The following DACH2 variants were observed in gnomAD, a reference collection of about 807,000 sequenced individuals.
DACH2 encodes the protein dachshund family transcription factor 2, also known as dachshund homolog 2.
DACH2 carries 17 observed loss-of-function variants against 35.8 expected under a neutral mutation model. That is an observed-to-expected ratio of 0.48 (90% CI 0.33 to 0.71). The LOEUF (loss-of-function observed/expected upper bound fraction) is 0.71, where lower values mean the gene tolerates loss of function less well. DACH2 is among the 30% of genes least tolerant of loss of function. The pLI is 0.02. For missense variants in DACH2, 469 were observed against 472.7 expected, an observed-to-expected ratio of 0.99 and a Z score of 0.07; for synonymous variants, 195 against 177.3, an observed-to-expected ratio of 1.10 and a Z score of -0.79.
At chrX:86,749,685 A>C (rs150070486) in intron 7 of DACH2, among the ~76,000 whole-genome samples, 128 of 111,596 alleles carry the variant, frequency 1.1e-3, no homozygotes, top group African/African-American at 4.1e-3. Context: ...TGTGGCACAG[A>C]GACAAAATGT....
At chrX:86,513,816 A>G (rs1417422838) in intron 2 of DACH2, among the ~76,000 whole-genome samples, 9 of 112,062 alleles carry the variant, frequency 8.0e-5, no homozygotes, top group Non-Finnish European at 1.9e-5. Context: ...ATGCTAATAA[A>G]CATCAGCTTC....
chrX:86,349,146 GT>G (rs1255325316), intron 1 of DACH2, among the ~76,000 whole-genome samples: 1 of 111,893 alleles, frequency 8.9e-6, no homozygotes, highest in Admixed American at 9.4e-5. Context: ...TAAGTGCAAG[GT>G]TTTTTATTGA....
chrX:86,695,771 C>T (rs56353322), intron 5 of DACH2, among the ~76,000 whole-genome samples: 27,308 of 109,096 alleles, frequency 0.25, 2,809 homozygotes, highest in Admixed American at 0.46. Flanking sequence ...CCTAGGCCTC[C>T]CAAAGTGCTG....
intron 2 of DACH2, among the ~76,000 whole-genome samples, chrX:86,398,645 G>T (rs761586831): frequency 2.7e-5 from 3 of 111,765 alleles, no homozygotes; most frequent in African/African-American, 9.7e-5. Flanking sequence ...ATTTCGTTAT[G>T]TACCCAGTGG....
intron 1 of DACH2, among the ~76,000 whole-genome samples, chrX:86,242,776 C>A (rs1391458233): frequency 9.0e-6 from 1 of 111,141 alleles, no homozygotes; most frequent in African/African-American, 3.3e-5. Context: ...ATGGGTTTCT[C>A]CCTAGTTGCT....
chrX:86,751,757 A>T (rs1383208009), intron 7 of DACH2, among the ~76,000 whole-genome samples: 1 of 111,793 alleles, frequency 8.9e-6, no homozygotes, highest in Non-Finnish European at 1.9e-5. Context: ...CACAGGATTG[A>T]AAGCCAACTA....
chrX:86,299,983 T>C (rs1307127072), intron 1 of DACH2, among the ~76,000 whole-genome samples: 1 of 111,955 alleles, frequency 8.9e-6, no homozygotes, highest in Non-Finnish European at 1.9e-5. Flanking sequence ...GAATGTGTAA[T>C]GGTCAACTAG....
At chrX:86,766,503 G>T (rs892502833) in intron 7 of DACH2, among the ~76,000 whole-genome samples, 1 of 111,660 alleles carries the variant, frequency 9.0e-6, no homozygotes, top group Non-Finnish European at 1.9e-5. Context: ...GTGTGAACCA[G>T]TTCCAACACA....
chrX:86,714,867 C>G (rs772916577), intron 6 of DACH2, 147 bp downstream of exon 6: 4 of 449,679 alleles, frequency 8.9e-6, no homozygotes, highest in African/African-American at 7.4e-5. Context: ...TAGTTTGTGA[C>G]TAGGCCTGCC....
At chrX:86,806,629 C>T (rs1009239028) in intron 7 of DACH2, among the ~76,000 whole-genome samples, 2 of 112,188 alleles carry the variant, frequency 1.8e-5, no homozygotes, top group African/African-American at 6.5e-5. Context: ...TTTTTAATAA[C>T]TTTGTGCATG....
chrX:86,741,817 G>A (rs1204651240), intron 7 of DACH2, among the ~76,000 whole-genome samples: 4 of 111,273 alleles, frequency 3.6e-5, no homozygotes, highest in African/African-American at 9.8e-5. Context: ...AAAAAGCACA[G>A]CACATAGGGA....
chrX:86,162,544 T>A (rs967711948), intron 1 of DACH2, among the ~76,000 whole-genome samples: 1 of 110,634 alleles, frequency 9.0e-6, no homozygotes, highest in African/African-American at 3.3e-5. Context: ...GTAAGATTAA[T>A]CAGATTAATA....
At chrX:86,831,876 C>G (rs911965040) in intron 11 of DACH2, 5 of 351,870 alleles carry the variant, frequency 1.4e-5, no homozygotes, top group Middle Eastern at 7.6e-4. Context: ...TCTTCAATGT[C>G]TCCGGTGCTG....
chrX:86,424,225 T>C (rs940006292), intron 2 of DACH2, among the ~76,000 whole-genome samples: 10 of 111,252 alleles, frequency 9.0e-5, no homozygotes, highest in Non-Finnish European at 1.3e-4. Flanking sequence ...GTGAAGAATG[T>C]CATTGGTATT....
intron 3 of DACH2, among the ~76,000 whole-genome samples, chrX:86,533,518 C>A (rs1321853630): frequency 1.8e-5 from 2 of 111,764 alleles, no homozygotes; most frequent in Non-Finnish European, 3.8e-5. Context: ...ACTTCCATGG[C>A]TTTTTGCATG....
At chrX:86,759,347 C>T (rs2041857771) in intron 7 of DACH2, among the ~76,000 whole-genome samples, 1 of 111,436 alleles carries the variant, frequency 9.0e-6, no homozygotes, top group Non-Finnish European at 1.9e-5. Context: ...TGAACTTATC[C>T]CTTTTTCATT....
chrX:86,423,770 T>C (rs933205711), intron 2 of DACH2, among the ~76,000 whole-genome samples: 2 of 110,985 alleles, frequency 1.8e-5, no homozygotes, highest in African/African-American at 6.5e-5. Flanking sequence ...CAATGTTTTC[T>C]TGTAGTAGTT....
chrX:86,442,514 G>A (rs1488302578), intron 2 of DACH2, among the ~76,000 whole-genome samples: 1 of 108,576 alleles, frequency 9.2e-6, no homozygotes, highest in Admixed American at 1.0e-4. Context: ...TTTCATTGTG[G>A]TGATTGTTTC....
intron 1 of DACH2, among the ~76,000 whole-genome samples, chrX:86,227,027 T>G (rs191542091): frequency 1.4e-3 from 159 of 111,396 alleles, no homozygotes; most frequent in Non-Finnish European, 1.9e-3. Flanking sequence ...AAAAGTAATA[T>G]CCTACCCACT....
Sources: allele counts gnomAD v4.1 joint callset (sites outside exome capture counted in the v4.1 genomes callset), GRCh38; gene constraint gnomAD v4.1.1; transcripts MANE v1.5; gene names NCBI Gene and HGNC (gene_info 2026-07-23, HGNC 2026-07-21).